ZNF804B: variants seen among roughly 807,000 people sequenced by gnomAD.
The protein encoded by ZNF804B is zinc finger 804B.
Under a neutral mutation model 101.4 loss-of-function variants are expected in ZNF804B, and 80 were observed. The observed-to-expected ratio is 0.79, with a 90% confidence interval of 0.66 to 0.95. The LOEUF is 0.95. Among genes scored for constraint, ZNF804B ranks in the 40% least tolerant of loss-of-function variants. The pLI, the probability that ZNF804B is intolerant of heterozygous loss-of-function variation, is 0.00. For missense variants in ZNF804B, 1,673 were observed against 1,561.9 expected (o/e 1.07, Z -1.20); for synonymous variants, 622 against 558.8 (o/e 1.11, Z -1.59).
chr7:89,180,844 C>T (rs1277445775), intron 1 of ZNF804B, among the ~76,000 whole-genome samples: 1 of 148,026 alleles, frequency 6.8e-6, no homozygotes, highest in African/African-American at 2.5e-5. Flanking sequence ...GAATTGCATT[C>T]CTTGTGATCT....
At chr7:88,859,494 G>A (rs927499208) in intron 1 of ZNF804B, among the ~76,000 whole-genome samples, 3 of 152,032 alleles carry the variant, frequency 2.0e-5, no homozygotes, top group Non-Finnish European at 4.4e-5. Flanking sequence ...TCATGATTCA[G>A]CAAAATTTTA....
At chr7:88,917,373 G>C (rs1358089289) in intron 1 of ZNF804B, among the ~76,000 whole-genome samples, 1 of 152,120 alleles carries the variant, frequency 6.6e-6, no homozygotes, top group Non-Finnish European at 1.5e-5. Flanking sequence ...TAAGATTTTT[G>C]TCAAGGCTGC....
At chr7:89,227,274 TG>T (rs1200686920) in intron 2 of ZNF804B, among the ~76,000 whole-genome samples, 3 of 152,232 alleles carry the variant, frequency 2.0e-5, no homozygotes, top group Admixed American at 1.3e-4. Context: ...CAAACTGAGT[TG>T]TAACTTTCAG....
chr7:89,171,250 A>G (rs1365885835), intron 1 of ZNF804B, among the ~76,000 whole-genome samples: 1 of 151,886 alleles, frequency 6.6e-6, no homozygotes, highest in Non-Finnish European at 1.5e-5. Flanking sequence ...TGTTCCTTGT[A>G]GTAACTCAAT....
At chr7:89,098,228 T>C (rs957435547) in intron 1 of ZNF804B, among the ~76,000 whole-genome samples, 1 of 152,080 alleles carries the variant, frequency 6.6e-6, no homozygotes, top group African/African-American at 2.4e-5. Context: ...TTAATCACCA[T>C]GTTATCCTTA....
At chr7:88,917,214 G>A (rs1406918814) in intron 1 of ZNF804B, among the ~76,000 whole-genome samples, 1 of 151,966 alleles carries the variant, frequency 6.6e-6, no homozygotes, top group African/African-American at 2.4e-5. Context: ...GCAGTGAGCC[G>A]AGATCGCACC....
chr7:89,045,848 G>C (rs1291399301), intron 1 of ZNF804B, among the ~76,000 whole-genome samples: 2 of 152,076 alleles, frequency 1.3e-5, no homozygotes, highest in African/African-American at 4.8e-5. Context: ...GTTAATGCTG[G>C]AATTAGCTAA....
chr7:89,078,554 AT>A (rs1039641879), intron 1 of ZNF804B, among the ~76,000 whole-genome samples: 3 of 151,884 alleles, frequency 2.0e-5, no homozygotes, highest in African/African-American at 7.3e-5. Flanking sequence ...TATTACCTAA[AT>A]ATTTTGCAAT....
At chr7:88,935,907 C>A (rs1390077029) in intron 1 of ZNF804B, among the ~76,000 whole-genome samples, 1 of 149,854 alleles carries the variant, frequency 6.7e-6, no homozygotes, top group South Asian at 2.1e-4. Flanking sequence ...TTTTTCTTTT[C>A]TCTTCCTTTC....
intron 1 of ZNF804B, among the ~76,000 whole-genome samples, chr7:88,870,384 C>CA (rs1212123301): frequency 0.064 from 2,216 of 34,634 alleles, 57 homozygotes; most frequent in Non-Finnish European, 0.09. Flanking sequence ...AACTCCGTCT[C>CA]AAAAAAAAAA....
At chr7:88,970,249 T>TA (rs1793511597) in intron 1 of ZNF804B, among the ~76,000 whole-genome samples, 1 of 151,584 alleles carries the variant, frequency 6.6e-6, no homozygotes, top group Non-Finnish European at 1.5e-5. Flanking sequence ...TGCAGGCTTG[T>TA]TACATAGGTA....
intron 1 of ZNF804B, among the ~76,000 whole-genome samples, chr7:89,200,214 T>A (rs1788612237): frequency 6.6e-6 from 1 of 151,950 alleles, no homozygotes; most frequent in Non-Finnish European, 1.5e-5. Context: ...AAATGCTCTT[T>A]ACTCTTAATT....
chr7:89,039,611 T>C (rs1232824101), intron 1 of ZNF804B, among the ~76,000 whole-genome samples: 1 of 151,256 alleles, frequency 6.6e-6, no homozygotes, highest in Non-Finnish European at 1.5e-5. Flanking sequence ...TGTATAATCA[T>C]CTAAAAACAG....
chr7:88,933,633 C>T (rs1792923460), intron 1 of ZNF804B, among the ~76,000 whole-genome samples: 1 of 151,974 alleles, frequency 6.6e-6, no homozygotes, highest in Non-Finnish European at 1.5e-5. Flanking sequence ...CACTGCTTTA[C>T]ACCAACAGTG....
At chr7:89,250,660 T>C (rs1220877702) in intron 2 of ZNF804B, among the ~76,000 whole-genome samples, 1 of 151,940 alleles carries the variant, frequency 6.6e-6, no homozygotes, top group African/African-American at 2.4e-5. Context: ...CAGACCAATA[T>C]CCCTGATGAA....
chr7:89,296,665 T>C (rs1790389163), intron 2 of ZNF804B, among the ~76,000 whole-genome samples: 1 of 152,092 alleles, frequency 6.6e-6, no homozygotes, highest in African/African-American at 2.4e-5. Context: ...TAGACCCCAA[T>C]ACTTGACAAA....
chr7:89,107,332 T>TA (rs1790149807), intron 1 of ZNF804B, among the ~76,000 whole-genome samples: 1 of 152,164 alleles, frequency 6.6e-6, no homozygotes, highest in Non-Finnish European at 1.5e-5. Flanking sequence ...TGAATTTATG[T>TA]AATCACTGCT....
intron 1 of ZNF804B, among the ~76,000 whole-genome samples, chr7:88,970,185 A>C (rs1420476996): frequency 6.6e-6 from 1 of 151,534 alleles, no homozygotes; most frequent in Non-Finnish European, 1.5e-5. Flanking sequence ...TTATTGTATA[A>C]TAATTGTATT....
chr7:89,250,225 A>G (rs1171517644), intron 2 of ZNF804B, among the ~76,000 whole-genome samples: 2 of 152,018 alleles, frequency 1.3e-5, no homozygotes, highest in Non-Finnish European at 2.9e-5. Context: ...GAAGATCCAA[A>G]TAAGCACAAT....
Sources: allele counts gnomAD v4.1 joint callset (sites outside exome capture counted in the v4.1 genomes callset), GRCh38; gene constraint gnomAD v4.1.1; transcripts MANE v1.5; gene names NCBI Gene and HGNC (gene_info 2026-07-23, HGNC 2026-07-21).